The following KCNQ3 variants were observed in gnomAD, a reference collection of about 807,000 sequenced individuals.
KCNQ3 encodes potassium voltage-gated channel subfamily KQT member 3.
A neutral mutation model predicts 92.5 loss-of-function variants in KCNQ3; 30 were observed. The ratio of observed to expected loss-of-function variants is 0.32; its 90% CI spans 0.24 to 0.44. The LOEUF (loss-of-function observed/expected upper bound fraction) is 0.44, where lower values mean the gene tolerates loss of function less well. Among genes scored for constraint, KCNQ3 ranks in the 20% least tolerant of loss-of-function variants. The pLI is 1.00. For synonymous variants in KCNQ3, 450 were observed against 468.8 expected, an observed-to-expected ratio of 0.96 and a Z score of 0.52; for missense variants, 913 against 1,140.3, an observed-to-expected ratio of 0.80 and a Z score of 2.87.
intron 9 of KCNQ3, among the ~76,000 whole-genome samples, chr8:132,148,867 A>T (rs1365938831): frequency 6.6e-6 from 1 of 152,192 alleles, no homozygotes; most frequent in Non-Finnish European, 1.5e-5. Context: ...GACTGAATTA[A>T]ACTGCTGGCT....
At chr8:132,187,827 G>A (rs1181441201) in intron 1 of KCNQ3, among the ~76,000 whole-genome samples, 195 of 135,984 alleles carry the variant, frequency 1.4e-3, no homozygotes, top group African/African-American at 2.7e-3. Context: ...TGGTGGTGGT[G>A]GTGATTGTGG....
rs368378896 is a variant in KCNQ3, at chr8:132,129,457, G to C, written c.2424C>G (p.Ser808Arg). 1 of 1,614,220 alleles carries C rather than the reference G, an allele frequency of 6.2e-7. No individual in the cohort carries two copies. The highest frequency in any genetic ancestry group is 1.3e-5 in the African/African-American group (1 of 75,058). ...EELERSPSGFSISQDRDDYVF... is the reference protein window; with the variant it reads ...EELERSPSGFRISQDRDDYVF... ...CATAATCATCTCTGTCCTGGGAGAT[G>C]CTGAAGCCACTTGGAGACCTCTCCA... is the stretch of plus-strand genomic sequence containing the variant. The change falls in exon 15 of 15, where the codon AGC (serine) becomes AGG (arginine). Residue 808 changes from serine to arginine, a missense_variant. Physicochemically the swap from Ser to Arg is moderately radical, Grantham distance 110. Coordinates refer to ENST00000388996, the MANE Select transcript of KCNQ3 (RefSeq NM_004519.4). This position sits in a 1 kb window ranked among gnomAD's most constrained non-coding sequence, Gnocchi z 5.9.
intron 1 of KCNQ3, among the ~76,000 whole-genome samples, chr8:132,215,790 T>C (rs1010871963): frequency 4.6e-5 from 7 of 152,184 alleles, no homozygotes; most frequent in African/African-American, 1.7e-4. Flanking sequence ...CTGCCCTGGG[T>C]GGGTAATTCA....
At chr8:132,215,529 T>G (rs1479584786) in intron 1 of KCNQ3, among the ~76,000 whole-genome samples, 1 of 152,240 alleles carries the variant, frequency 6.6e-6, no homozygotes, top group Non-Finnish European at 1.5e-5. Flanking sequence ...CAGTTCTGTT[T>G]TGCCCTGAAA....
At chr8:132,229,412 T>A (rs1040337917) in intron 1 of KCNQ3, among the ~76,000 whole-genome samples, 1 of 152,106 alleles carries the variant, frequency 6.6e-6, no homozygotes, top group Non-Finnish European at 1.5e-5. Flanking sequence ...TACTGAGGAC[T>A]TCAAGTCAAC....
intron 1 of KCNQ3, among the ~76,000 whole-genome samples, chr8:132,251,112 C>CA (rs1245276993): frequency 1.3e-5 from 2 of 151,974 alleles, no homozygotes; most frequent in Non-Finnish European, 2.9e-5. Context: ...ACCAAAAATA[C>CA]AAAAAATTAG....
chr8:132,454,419 T>A (rs72721087), intron 1 of KCNQ3, among the ~76,000 whole-genome samples: 15,378 of 152,294 alleles, frequency 0.1, 839 homozygotes, highest in African/African-American at 0.15. Context: ...GTGTGCTCTG[T>A]GTCAATGCTG....
chr8:132,205,836 T>C (rs1057327087), intron 1 of KCNQ3, among the ~76,000 whole-genome samples: 8 of 152,142 alleles, frequency 5.3e-5, no homozygotes, highest in African/African-American at 1.9e-4. Flanking sequence ...AGCACCCTGC[T>C]TCTAGGAAGA....
chr8:132,470,156 C>A (rs183789573), intron 1 of KCNQ3, among the ~76,000 whole-genome samples: 3 of 152,230 alleles, frequency 2.0e-5, no homozygotes, highest in South Asian at 2.1e-4. Flanking sequence ...AGGGTCTATA[C>A]GCAGAATCCA....
chr8:132,356,049 C>T (rs965974411), intron 1 of KCNQ3, among the ~76,000 whole-genome samples: 6 of 152,184 alleles, frequency 3.9e-5, no homozygotes, highest in Non-Finnish European at 7.3e-5. Flanking sequence ...GATAAGCATG[C>T]TACTTCTCTG....
At chr8:132,320,161 A>G (rs1817858407) in intron 1 of KCNQ3, among the ~76,000 whole-genome samples, 1 of 152,186 alleles carries the variant, frequency 6.6e-6, no homozygotes, top group African/African-American at 2.4e-5. Context: ...CCCAGTTTCT[A>G]GAGGATTTTC....
intron 1 of KCNQ3, among the ~76,000 whole-genome samples, chr8:132,325,125 T>C (rs1818005665): frequency 6.6e-6 from 1 of 152,058 alleles, no homozygotes. Context: ...CACATGGTGA[T>C]AGGCTGGCTT....
At chr8:132,373,823 C>T (rs1440027830) in intron 1 of KCNQ3, among the ~76,000 whole-genome samples, 1 of 152,132 alleles carries the variant, frequency 6.6e-6, no homozygotes, top group African/African-American at 2.4e-5. Flanking sequence ...GCCCAGCTCC[C>T]CAGGTTGGTT....
rs557205573 is a variant in KCNQ3 at position 132,124,970 on chromosome 8, G to C, written c.*4292C>G. On this transcript the variant is annotated 3_prime_UTR_variant, in exon 15 of 15. Transcript: ENST00000388996. ...TGCCCCAGGAGAATTTGATCTGCAG[G>C]TTCCCATAAGTAGAGTAACATCTTT... 96 of 152,288 alleles carry C rather than the reference G, an allele frequency of 6.3e-4. 1 individual carries two copies. The highest frequency in any genetic ancestry group is 2.3e-3 in the African/African-American group (95 of 41,542). The allele number at this position is 152,288 out of a possible 1,614,324, so 9.4% of individuals were successfully genotyped here.
intron 1 of KCNQ3, among the ~76,000 whole-genome samples, chr8:132,455,589 G>T (rs1821921143): frequency 1.3e-5 from 2 of 152,208 alleles, no homozygotes; most frequent in Admixed American, 1.3e-4. Flanking sequence ...TTTAGAGCTA[G>T]AATCCAAGAG....
At chr8:132,255,544 A>G (rs555463652) in intron 1 of KCNQ3, among the ~76,000 whole-genome samples, 1 of 152,364 alleles carries the variant, frequency 6.6e-6, no homozygotes, top group Non-Finnish European at 1.5e-5. Flanking sequence ...CCCAGAGATA[A>G]GTGCATACCC....
chr8:132,239,475 C>T (rs957170050), intron 1 of KCNQ3, among the ~76,000 whole-genome samples: 4 of 152,134 alleles, frequency 2.6e-5, no homozygotes, highest in South Asian at 2.1e-4. Context: ...TAGAAGAAGA[C>T]AAAATGAAAC....
intron 9 of KCNQ3, among the ~76,000 whole-genome samples, chr8:132,149,366 C>T (rs1825562916): frequency 6.6e-6 from 1 of 152,180 alleles, no homozygotes; most frequent in South Asian, 2.1e-4. Flanking sequence ...GAACCCTTCT[C>T]GCTTTGCTGA....
chr8:132,254,661 T>G (rs1277140345), intron 1 of KCNQ3, among the ~76,000 whole-genome samples: 1 of 152,156 alleles, frequency 6.6e-6, no homozygotes, highest in Non-Finnish European at 1.5e-5. Flanking sequence ...GCAGGATCAC[T>G]TGAGGTCAGG....
Sources: gnomAD v4.1 joint callset for allele counts (sites outside exome capture counted in the v4.1 genomes callset) on GRCh38, gnomAD v4.1.1 for gene constraint, Gnocchi (gnomAD v3.1) non-coding constraint, MANE v1.5 for transcripts, NCBI Gene and HGNC (gene_info 2026-07-23, HGNC 2026-07-21) for gene names.